PRMT3: variants seen among roughly 807,000 people sequenced by gnomAD.
PRMT3 encodes the protein protein arginine methyltransferase 3, also known as protein arginine N-methyltransferase 3.
Under a neutral mutation model 71.9 loss-of-function variants are expected in PRMT3, and 62 were observed. That is an observed-to-expected ratio of 0.86 (90% CI 0.70 to 1.07). The LOEUF (loss-of-function observed/expected upper bound fraction) is 1.07. PRMT3 is among the 50% of genes least tolerant of loss of function. The pLI, the probability that PRMT3 is intolerant of heterozygous loss-of-function variation, is 0.00. For missense variants in PRMT3, 663 were observed against 643.0 expected, an observed-to-expected ratio of 1.03 and a Z score of -0.34; for synonymous variants, 213 against 220.4, an observed-to-expected ratio of 0.97 and a Z score of 0.30.
rs562420978 is a variant in PRMT3 at position 20,447,255 on chromosome 11, A to G, written c.994-4875A>G. Among the ~76,000 whole-genome samples the G allele has an allele frequency of 2.6e-4, 39 of 152,028 alleles. No individual in the cohort carries two copies. In the South Asian group the frequency reaches 6.9e-3, roughly 27 times the overall value. On this transcript the variant is annotated intron_variant, in intron 10 of 15. Transcript: ENST00000331079. ...AGAACAGTGGTTTTCAATGGGGTGGAAGAGGGGACAGTTTCACACTCCTGG... is the reference window on the plus strand; with the variant it reads ...AGAACAGTGGTTTTCAATGGGGTGGGAGAGGGGACAGTTTCACACTCCTGG...
intron 13 of PRMT3, among the ~76,000 whole-genome samples, chr11:20,486,078 G>A (rs190090746): frequency 9.2e-5 from 14 of 152,236 alleles, no homozygotes; most frequent in African/African-American, 7.2e-5. Flanking sequence ...AAAACATTAC[G>A]CTAAGTGAAA....
rs1404008670 is a variant in PRMT3 at position 20,493,979 on chromosome 11, A to G, written c.1398+10A>G. On this transcript the variant is annotated intron_variant, in intron 14 of 15. Transcript: ENST00000331079. ...GAATTGCCACAACAGGGTAAGTATCATGAATTATCTCATAAGAATTAATTA... is the reference window on the plus strand; with the variant it reads ...GAATTGCCACAACAGGGTAAGTATCGTGAATTATCTCATAAGAATTAATTA... 1.9e-6 allele frequency: 3 copies of G among 1,566,480 alleles called. No homozygotes were observed. In the East Asian group the frequency reaches 6.7e-5, roughly 35 times the overall value.
chr11:20,397,515 G>C, intron 6 of PRMT3, 62 bp from the exon 7 acceptor site: 1 of 1,552,246 alleles, frequency 6.4e-7, no homozygotes, highest in East Asian at 2.2e-5. Context: ...TCAACCTCTA[G>C]CCTTTCCTTT....
intron 15 of PRMT3, among the ~76,000 whole-genome samples, chr11:20,501,695 ATAGAGT>A (rs1248248798): frequency 1.3e-5 from 2 of 152,188 alleles, no homozygotes; most frequent in Admixed American, 1.3e-4. Flanking sequence ...AAATGGAACT[ATAGAGT>A]TATTTTGCCT....
rs141773947 is a variant in PRMT3 at position 20,419,970 on chromosome 11, G to T, written c.894-6796G>T. 8.5e-5 allele frequency among the ~76,000 whole-genome samples: 13 copies of T among 152,220 alleles called. 1 individual carries two copies. In the East Asian group the frequency reaches 2.5e-3, roughly 30 times the overall value. On this transcript the variant is annotated intron_variant, in intron 9 of 15. Coordinates refer to ENST00000331079, the MANE Select transcript of PRMT3 (RefSeq NM_005788.4). ...GTGAATTACTTTAGGCCAGGAGTTC[G>T]AGACCAGCCTGAGCAACATGGCGAA...
At position 20,404,231 on chromosome 11, in the gene PRMT3, T is replaced by G. The variant is rs370367763; in HGVS notation, c.771+1247T>G. ...TCATAGTTTTTTTTTTTTTTTTTTT[T>G]TTTTTTTTTTTTTTTTTTTTTGAGA... is the stretch of plus-strand genomic sequence containing the variant. On this transcript the variant is annotated intron_variant, in intron 8 of 15. Transcript: ENST00000331079. Among the ~76,000 whole-genome samples the G allele has an allele frequency of 2.1e-3, 197 of 94,310 alleles. 1 individual carries two copies. Among genetic ancestry groups the G allele is most frequent in the African/African-American group, 6.7e-3 (145 of 21,730 alleles). The allele number at this position is 94,310 out of a possible 152,430, so 61.9% of individuals were successfully genotyped here.
intron 13 of PRMT3, among the ~76,000 whole-genome samples, chr11:20,493,419 A>G (rs141621351): frequency 1.2e-3 from 178 of 152,384 alleles, no homozygotes; most frequent in African/African-American, 4.1e-3. Context: ...TCTGGCTTGA[A>G]GCCCAAACCA....
chr11:20,492,757 T>G (rs1851237406), intron 13 of PRMT3, among the ~76,000 whole-genome samples: 1 of 152,194 alleles, frequency 6.6e-6, no homozygotes, highest in South Asian at 2.1e-4. Flanking sequence ...TATGTTAATT[T>G]CTTTAAGAGA....
intron 15 of PRMT3, among the ~76,000 whole-genome samples, chr11:20,507,099 G>C (rs1224755400): frequency 6.6e-6 from 1 of 152,162 alleles, no homozygotes; most frequent in Admixed American, 6.5e-5. Flanking sequence ...TTCTGTGTAT[G>C]TGTTTTCCTT....
chr11:20,400,649 G>A (rs1444339098), intron 7 of PRMT3, among the ~76,000 whole-genome samples: 1 of 151,970 alleles, frequency 6.6e-6, no homozygotes, highest in African/African-American at 2.4e-5. Context: ...ACCTTTATGA[G>A]CTTGTAAATT....
intron 13 of PRMT3, among the ~76,000 whole-genome samples, chr11:20,466,932 A>G (rs1249979345): frequency 6.6e-6 from 1 of 152,228 alleles, no homozygotes; most frequent in Non-Finnish European, 1.5e-5. Flanking sequence ...CATTATATCT[A>G]TAAAGTACCT....
intron 13 of PRMT3, among the ~76,000 whole-genome samples, chr11:20,469,363 T>C (rs1219813542): frequency 1.3e-5 from 2 of 152,242 alleles, no homozygotes; most frequent in Non-Finnish European, 2.9e-5. Flanking sequence ...GTGGCATTTA[T>C]ATTTTCATCT....
chr11:20,499,005 A>G (rs1851397862), intron 15 of PRMT3, among the ~76,000 whole-genome samples: 1 of 152,230 alleles, frequency 6.6e-6, no homozygotes, highest in Admixed American at 6.5e-5. Context: ...AAATGCCAGA[A>G]ATGGTAAATG....
intron 10 of PRMT3, among the ~76,000 whole-genome samples, chr11:20,443,086 T>C (rs1849946137): frequency 6.6e-6 from 1 of 152,208 alleles, no homozygotes; most frequent in Non-Finnish European, 1.5e-5. Flanking sequence ...TTACCAACAA[T>C]GGAATGAGAA....
Position 20,508,344 on chromosome 11 carries a change from G to T in PRMT3, c.1527G>T (p.Lys509Asn), listed in dbSNP as rs761099225. Reference sequence around the variant, plus strand: ...GAAAGGTCACAGTTCACAAGAATAAGAAAGATCCACGTTCTCTCACCGTGA... The same window carrying T: ...GAAAGGTCACAGTTCACAAGAATAATAAAGATCCACGTTCTCTCACCGTGA... ...LKGKVTVHKN[K>N]KDPRSLTVTL... The change falls in exon 16 of 16, where the codon AAG (lysine) becomes AAT (asparagine). Residue 509 changes from lysine to asparagine, a missense_variant. Transcript: ENST00000331079. 1 of 1,612,316 alleles carries T rather than the reference G, an allele frequency of 6.2e-7. No homozygotes were observed. The highest frequency in any genetic ancestry group is 8.5e-7 in the Non-Finnish European group (1 of 1,178,486).
intron 15 of PRMT3, among the ~76,000 whole-genome samples, chr11:20,494,587 A>C (rs530355274): frequency 6.6e-6 from 1 of 152,154 alleles, no homozygotes; most frequent in Non-Finnish European, 1.5e-5. Context: ...GGCCCCCCCA[A>C]AGTGCTGGGA....
chr11:20,508,182 T>G, intron 15 of PRMT3, 122 bp from the exon 16 acceptor site: 1 of 526,240 alleles, frequency 1.9e-6, no homozygotes, highest in Non-Finnish European at 3.4e-6. Context: ...AATATTAACC[T>G]TAAATAAAGT....
At chr11:20,391,890 G>A (rs1461159710) in intron 3 of PRMT3, among the ~76,000 whole-genome samples, 2 of 120,496 alleles carry the variant, frequency 1.7e-5, no homozygotes, top group Non-Finnish European at 3.4e-5. Context: ...GATATCAGTT[G>A]CCAAATACTT....
intron 13 of PRMT3, among the ~76,000 whole-genome samples, chr11:20,473,103 C>CTGAT (rs1850690925): frequency 6.6e-6 from 1 of 151,848 alleles, no homozygotes. Flanking sequence ...TTTACCATTC[C>CTGAT]TGATTGTATT....
Sources: gnomAD v4.1 joint callset for allele counts (sites outside exome capture counted in the v4.1 genomes callset) on GRCh38, gnomAD v4.1.1 for gene constraint, MANE v1.5 for transcripts, NCBI Gene and HGNC (gene_info 2026-07-23, HGNC 2026-07-21) for gene names.